The following ZDHHC17 variants were observed in gnomAD, a reference collection of about 807,000 sequenced individuals.
The protein encoded by ZDHHC17 is palmitoyltransferase ZDHHC17.
A neutral mutation model predicts 90.3 loss-of-function variants in ZDHHC17; 40 were observed. The observed-to-expected ratio is 0.44, with a 90% confidence interval of 0.34 to 0.58. The LOEUF (loss-of-function observed/expected upper bound fraction) is 0.58. ZDHHC17 is among the 20% of genes least tolerant of loss of function. ZDHHC17 has a pLI of 0.01. For missense variants in ZDHHC17, 614 were observed against 780.8 expected (o/e 0.79, Z 2.55); for synonymous variants, 235 against 252.4 (o/e 0.93, Z 0.65).
Position 76,816,589 on chromosome 12 carries a change from T to C in ZDHHC17, c.771+570T>C, listed in dbSNP as rs145524980. ...AATTTATAGTATTTTCTGTGTTATG[T>C]TTCTTAAATTTCTAAGGGATATGTG... On this transcript the variant is annotated intron_variant, in intron 7 of 16. Coordinates refer to ENST00000426126, the MANE Select transcript of ZDHHC17 (RefSeq NM_015336.4). 4.4e-4 allele frequency among the ~76,000 whole-genome samples: 67 copies of C among 152,130 alleles called. 1 individual carries two copies. The East Asian group carries it at 0.013, about 28-fold the overall frequency.
intron 10 of ZDHHC17, among the ~76,000 whole-genome samples, chr12:76,829,818 T>C (rs919266392): frequency 1.3e-5 from 2 of 152,134 alleles, no homozygotes; most frequent in African/African-American, 4.8e-5. Context: ...AAATTAACAG[T>C]GTAGTATACT....
intron 6 of ZDHHC17, 23 bp from the exon 7 acceptor site, chr12:76,815,833 GT>G (rs77238734): frequency 0.097 from 96,173 of 993,678 alleles, 5 homozygotes; most frequent in East Asian, 0.15. Context: ...GTTGTTGTTT[GT>G]TTTTTTTTTT....
rs1327334398 is a variant in ZDHHC17 at position 76,823,233 on chromosome 12, A to G, written c.897+702A>G. Among the ~76,000 whole-genome samples the G allele has an allele frequency of 2.6e-5, 4 of 152,226 alleles. No individual in the cohort carries two copies. In the East Asian group the frequency reaches 5.8e-4, roughly 22 times the overall value. The stretch of plus-strand genomic sequence containing the variant: ...TTGTGAAATAGCTTAGTTCTAATAC[A>G]TATCTTTTTAAACTACTCACAACTC... On this transcript the variant is annotated intron_variant, in intron 8 of 16. Transcript: ENST00000426126.
chr12:76,782,254 ATG>A (rs1028184941), intron 1 of ZDHHC17, among the ~76,000 whole-genome samples: 1 of 152,218 alleles, frequency 6.6e-6, no homozygotes, highest in Non-Finnish European at 1.5e-5. Context: ...CTTTAGCTGG[ATG>A]CCTGCTGGGT....
At position 76,816,033 on chromosome 12, in the gene ZDHHC17, A is replaced by G. The variant is rs576406715; in HGVS notation, c.771+14A>G. On this transcript the variant is annotated intron_variant, in intron 7 of 16. Coordinates refer to ENST00000426126, the MANE Select transcript of ZDHHC17 (RefSeq NM_015336.4). Reference sequence around the variant, plus strand: ...CAGAATATCAAGGTAAAAATATTCTATATTGATAATACTGTATGAAATGTG... The same window carrying G: ...CAGAATATCAAGGTAAAAATATTCTGTATTGATAATACTGTATGAAATGTG... The G allele has an allele frequency of 1.5e-5, 22 of 1,501,754 alleles. No individual in the cohort carries two copies. Among genetic ancestry groups the G allele is most frequent in the South Asian group, 2.6e-5 (2 of 75,540 alleles). 93.0% of individuals were successfully genotyped at this position (1,501,754 alleles called of 1,614,324 possible). A position where few individuals can be genotyped will look rare whatever the true frequency, so the allele number is the denominator to read the frequency against.
intron 10 of ZDHHC17, among the ~76,000 whole-genome samples, chr12:76,832,973 AC>A (rs1953322727): frequency 6.6e-6 from 1 of 152,208 alleles, no homozygotes; most frequent in Non-Finnish European, 1.5e-5. Context: ...TTTTGGTGTT[AC>A]AAATAAATTT....
intron 4 of ZDHHC17, among the ~76,000 whole-genome samples, chr12:76,809,445 T>C (rs1952994624): frequency 6.6e-6 from 1 of 152,110 alleles, no homozygotes; most frequent in Non-Finnish European, 1.5e-5. Context: ...TGAGATAATA[T>C]TAGAATGGAC....
chr12:76,774,321 C>CAT (rs964750097), intron 1 of ZDHHC17, among the ~76,000 whole-genome samples: 3 of 138,308 alleles, frequency 2.2e-5, no homozygotes, highest in Non-Finnish European at 4.7e-5. Context: ...CACACACACA[C>CAT]ATATATATAC....
intron 12 of ZDHHC17, chr12:76,844,562 G>T (rs942002504): frequency 5.3e-5 from 8 of 152,146 alleles, no homozygotes; most frequent in African/African-American, 1.9e-4. Context: ...CTGTTTTTCA[G>T]ATTTTTGACA....
intron 8 of ZDHHC17, 97 bp from the exon 9 acceptor site, chr12:76,826,811 T>C (rs1020091000): frequency 1.7e-5 from 22 of 1,269,722 alleles, no homozygotes; most frequent in South Asian, 5.4e-5. Flanking sequence ...TGAATGAATT[T>C]CACCCGCTGT....
intron 7 of ZDHHC17, 83 bp downstream of exon 7, chr12:76,816,102 G>C: frequency 2.6e-6 from 3 of 1,176,270 alleles, no homozygotes; most frequent in Non-Finnish European, 3.3e-6. Context: ...TTCATAGACT[G>C]TCAGAGTTGA....
At position 76,842,935 on chromosome 12, in the gene ZDHHC17, C is replaced by G; in HGVS notation, c.1283C>G (p.Ala428Gly). ...EQKKKTIVELAETGSLDLSIF... is the reference protein window; with the variant it reads ...EQKKKTIVELGETGSLDLSIF... ...AATTCACAGACAATAGTTGAACTTG[C>G]AGAGACAGGAAGTCTGGACCTCAGT... The change falls in exon 12 of 17, where the codon GCA becomes GGA. Residue 428 changes from alanine (A) to glycine (G), a missense_variant. Around this residue, in one of 5 missense-constraint regions of ZDHHC17, gnomAD observed 117 missense variants for 183.6 expected, o/e 0.64. Coordinates refer to ENST00000426126, the MANE Select transcript of ZDHHC17 (RefSeq NM_015336.4). The G allele has an allele frequency of 6.2e-7, 1 of 1,609,686 alleles. No homozygotes were observed. Among genetic ancestry groups the G allele is most frequent in the East Asian group, 2.2e-5 (1 of 44,686 alleles).
At position 76,767,579 on chromosome 12, in the gene ZDHHC17, C is replaced by A. The variant is rs114645758; in HGVS notation, c.93+3250C>A. 6.6e-3 allele frequency among the ~76,000 whole-genome samples: 1,002 copies of A among 152,248 alleles called. 3 individuals carry two copies. Among genetic ancestry groups the A allele is most frequent in the African/African-American group, 0.024 (977 of 41,530 alleles). On this transcript the variant is annotated intron_variant, in intron 1 of 16. Coordinates refer to ENST00000426126, the MANE Select transcript of ZDHHC17 (RefSeq NM_015336.4). ...TTGTGCTGGAGTCTGTGTGAGACTT[C>A]AGGATATTTTTGGTGTTCAGTGAGA...
At chr12:76,786,045 G>A (rs1952681060) in intron 1 of ZDHHC17, among the ~76,000 whole-genome samples, 1 of 152,058 alleles carries the variant, frequency 6.6e-6, no homozygotes, top group Non-Finnish European at 1.5e-5. Context: ...GAAGCATTGC[G>A]ACTTGGTGAA....
At chr12:76,795,459 A>T (rs1391109135) in intron 1 of ZDHHC17, among the ~76,000 whole-genome samples, 4 of 152,084 alleles carry the variant, frequency 2.6e-5, no homozygotes, top group Non-Finnish European at 5.9e-5. Flanking sequence ...TCCCTGAAAG[A>T]TGTGATCAAG....
intron 1 of ZDHHC17, among the ~76,000 whole-genome samples, chr12:76,777,445 A>G (rs372929011): frequency 2.0e-5 from 3 of 152,204 alleles, no homozygotes; most frequent in East Asian, 1.9e-4. Context: ...ATTGAAGATT[A>G]TCTGGGTTGT....
At chr12:76,814,745 G>A (rs958779452) in intron 5 of ZDHHC17, among the ~76,000 whole-genome samples, 1 of 151,874 alleles carries the variant, frequency 6.6e-6, no homozygotes, top group Non-Finnish European at 1.5e-5. Context: ...ATATTAAAAT[G>A]TCAGTTCTTT....
At chr12:76,805,295 C>T (rs1235286293) in intron 2 of ZDHHC17, 22 bp from the exon 3 acceptor site, 41 of 1,560,986 alleles carry the variant, frequency 2.6e-5, no homozygotes, top group Non-Finnish European at 3.4e-5. Flanking sequence ...AATAACAATG[C>T]CATATTTTCT....
intron 10 of ZDHHC17, among the ~76,000 whole-genome samples, chr12:76,838,225 G>T (rs1421939677): frequency 6.6e-6 from 1 of 151,780 alleles, no homozygotes; most frequent in African/African-American, 2.4e-5. Context: ...ATTTGTCTTT[G>T]TCCAAATTTG....
Sources: allele counts gnomAD v4.1 joint callset (sites outside exome capture counted in the v4.1 genomes callset), GRCh38; gene constraint gnomAD v4.1.1; regional missense constraint gnomAD v4.1.1; transcripts MANE v1.5; gene names NCBI Gene and HGNC (gene_info 2026-07-23, HGNC 2026-07-21).